LRBA: variants seen among roughly 807,000 people sequenced by gnomAD.
LRBA encodes LPS responsive beige-like anchor protein, also known as lipopolysaccharide-responsive and beige-like anchor protein.
In LRBA, 176 loss-of-function variants were observed where a neutral mutation model predicts 330.0. That is an observed-to-expected ratio of 0.53 (90% CI 0.47 to 0.60). The LOEUF (loss-of-function observed/expected upper bound fraction) is 0.60. LRBA is among the 20% of genes least tolerant of loss of function. The probability of loss-of-function intolerance (pLI) is 0.00; values close to 1 mark genes in which losing one functional copy is unlikely to be tolerated. For synonymous variants in LRBA, 1,230 were observed against 1,193.0 expected, an observed-to-expected ratio of 1.03 and a Z score of -0.64; for missense variants, 3,259 against 3,444.8, an observed-to-expected ratio of 0.95 and a Z score of 1.35.
chr4:150,285,069 T>A (rs995456383), intron 54 of LRBA, among the ~76,000 whole-genome samples: 2 of 152,204 alleles, frequency 1.3e-5, no homozygotes, highest in Non-Finnish European at 2.9e-5. Context: ...TATTACTATT[T>A]CAATGTTTTG....
intron 2 of LRBA, among the ~76,000 whole-genome samples, chr4:150,988,350 C>T (rs375488898): frequency 6.6e-6 from 1 of 152,118 alleles, no homozygotes. Flanking sequence ...ACTTTAAGTT[C>T]CTAGAAAATT....
chr4:150,610,669 T>C (rs576535746), intron 37 of LRBA, among the ~76,000 whole-genome samples: 1 of 152,252 alleles, frequency 6.6e-6, no homozygotes, highest in East Asian at 1.9e-4. Context: ...CTGATTTGGT[T>C]GGCAGACCAA....
intron 22 of LRBA, among the ~76,000 whole-genome samples, chr4:150,860,395 T>C (rs1032152012): frequency 6.6e-6 from 1 of 152,212 alleles, no homozygotes; most frequent in Non-Finnish European, 1.5e-5. Flanking sequence ...CTTAGCATTA[T>C]CCCATCTTAT....
At chr4:150,641,323 T>C (rs1407108050) in intron 37 of LRBA, among the ~76,000 whole-genome samples, 1 of 152,176 alleles carries the variant, frequency 6.6e-6, no homozygotes, top group Non-Finnish European at 1.5e-5. Flanking sequence ...CAATGAATAT[T>C]TAACTAATTT....
chr4:150,830,514 T>C lies in LRBA; in HGVS notation c.4729+1303A>G, dbSNP rs149300018. Among the ~76,000 whole-genome samples, 253 of 152,296 alleles carry C rather than the reference T, an allele frequency of 1.7e-3. 1 individual carries two copies. Among genetic ancestry groups the C allele is most frequent in the African/African-American group, 5.8e-3 (241 of 41,570 alleles). On this transcript the variant is annotated intron_variant, in intron 29 of 56. Transcript: ENST00000651943. ...TGGAGCCATCCCACCTGAGGCACTA[T>C]ATATACTATTAGAAAAGTCATCTTA...
intron 2 of LRBA, chr4:150,970,562 C>CGTGTGT (rs1561074281): frequency 9.1e-5 from 10 of 109,476 alleles, no homozygotes; most frequent in African/African-American, 3.3e-4. Context: ...TGTGTACACA[C>CGTGTGT]ACACACACAC....
chr4:150,508,428 A>T (rs546838374), intron 40 of LRBA, among the ~76,000 whole-genome samples: 1 of 152,020 alleles, frequency 6.6e-6, no homozygotes, highest in Admixed American at 6.5e-5. Context: ...GACTAGGACT[A>T]CAGGTGCCCA....
At chr4:150,395,437 T>C (rs1744595738) in intron 47 of LRBA, among the ~76,000 whole-genome samples, 1 of 152,164 alleles carries the variant, frequency 6.6e-6, no homozygotes, top group Non-Finnish European at 1.5e-5. Context: ...CTGTCCTCTC[T>C]GTCATTGTTT....
Position 150,696,084 on chromosome 4 carries a change from G to T in LRBA, c.5755-12367C>A, listed in dbSNP as rs1180205685. On this transcript the variant is annotated intron_variant, in intron 36 of 56. Transcript: ENST00000651943. ...ATCTTTACAAAAAATAGAAAAATCA[G>T]CTGGGCATGGTGGCATGCACCTGTA... is the stretch of plus-strand genomic sequence containing the variant. 1.3e-5 allele frequency among the ~76,000 whole-genome samples: 2 copies of T among 152,172 alleles called. 1 individual carries two copies.
intron 9 of LRBA, among the ~76,000 whole-genome samples, chr4:150,910,736 G>C (rs1731895755): frequency 2.6e-5 from 4 of 151,986 alleles, no homozygotes; most frequent in Admixed American, 2.6e-4. Flanking sequence ...GAACTGTACT[G>C]AATCTGTAGA....
intron 39 of LRBA, among the ~76,000 whole-genome samples, chr4:150,589,833 C>G (rs1772588117): frequency 6.6e-6 from 1 of 152,122 alleles, no homozygotes; most frequent in African/African-American, 2.4e-5. Context: ...AAGGAAAAGA[C>G]TACAGAATAG....
At chr4:150,960,442 A>C (rs547019961) in intron 2 of LRBA, among the ~76,000 whole-genome samples, 1 of 149,414 alleles carries the variant, frequency 6.7e-6, no homozygotes, top group East Asian at 1.9e-4. Context: ...AGGTTTTTTA[A>C]AAGGTCCAGG....
At chr4:150,921,453 T>C (rs546899212) in intron 4 of LRBA, among the ~76,000 whole-genome samples, 160 bp from the exon 5 acceptor site, 2 of 152,302 alleles carry the variant, frequency 1.3e-5, no homozygotes, top group South Asian at 2.1e-4. Context: ...CTTAAAGAAA[T>C]AATGTACTCT....
chr4:150,821,378 GAC>G (rs907193931), intron 30 of LRBA, among the ~76,000 whole-genome samples: 11 of 151,988 alleles, frequency 7.2e-5, no homozygotes, highest in Non-Finnish European at 1.5e-4. Flanking sequence ...TTTAATTTAT[GAC>G]AACCCTTGAG....
intron 2 of LRBA, among the ~76,000 whole-genome samples, chr4:150,958,103 T>A (rs1169419185): frequency 6.7e-6 from 1 of 149,198 alleles, no homozygotes; most frequent in Non-Finnish European, 1.5e-5. Flanking sequence ...CAGTGGAAAC[T>A]CTGTGGAGGC....
chr4:150,964,110 G>A (rs941952658), intron 2 of LRBA, among the ~76,000 whole-genome samples: 9 of 146,898 alleles, frequency 6.1e-5, no homozygotes, highest in Middle Eastern at 3.4e-3. Context: ...CCCGGCAGCC[G>A]CCCCGTCCAG....
At chr4:150,817,030 T>C (rs1560860586) in intron 31 of LRBA, 94 bp downstream of exon 31, 1 of 1,043,064 alleles carries the variant, frequency 9.6e-7, no homozygotes, top group Non-Finnish European at 1.5e-6. Context: ...TGGTTTCTAA[T>C]GTGCCCCCAA....
intron 31 of LRBA, among the ~76,000 whole-genome samples, chr4:150,816,133 G>T (rs1290192831): frequency 6.6e-6 from 1 of 151,880 alleles, no homozygotes; most frequent in African/African-American, 2.4e-5. Context: ...ATGCTAATTT[G>T]CCAAATAAAG....
At chr4:150,861,106 G>C (rs1027251517) in intron 22 of LRBA, among the ~76,000 whole-genome samples, 1 of 151,992 alleles carries the variant, frequency 6.6e-6, no homozygotes, top group Non-Finnish European at 1.5e-5. Context: ...TTTAATTTTT[G>C]TTTTAACAAA....
Sources: allele counts gnomAD v4.1 joint callset (sites outside exome capture counted in the v4.1 genomes callset), GRCh38; gene constraint gnomAD v4.1.1; transcripts MANE v1.5; gene names NCBI Gene and HGNC (gene_info 2026-07-23, HGNC 2026-07-21).